ABI3BP: variants seen among roughly 807,000 people sequenced by gnomAD.
ABI3BP encodes ABI family member 3 binding protein.
A neutral mutation model predicts 268.6 loss-of-function variants in ABI3BP; 216 were observed. The observed-to-expected ratio is 0.80, with a 90% CI of 0.72 to 0.90. ABI3BP has a LOEUF of 0.90. Ranked by LOEUF, ABI3BP falls within the 40% of genes least tolerant of loss-of-function variation. ABI3BP has a pLI of 0.00. For synonymous variants in ABI3BP, 730 were observed against 730.0 expected, an observed-to-expected ratio of 1.00 and a Z score of 0.00; for missense variants, 2,090 against 2,182.4, an observed-to-expected ratio of 0.96 and a Z score of 0.84.
intron 51 of ABI3BP, 32 bp downstream of exon 51, chr3:100,804,760 C>A: frequency 6.3e-7 from 1 of 1,582,060 alleles, no homozygotes; most frequent in Non-Finnish European, 8.7e-7. Context: ...CAGTAGAATG[C>A]ATTTGGCTTA....
At position 100,840,871 on chromosome 3, in the gene ABI3BP, G is replaced by GA. The variant is rs747594725; in HGVS notation, c.1766-14dup. 59 of 1,528,678 alleles carry GA rather than the reference G, an allele frequency of 3.9e-5. No homozygotes were observed. The highest frequency in any genetic ancestry group is 5.5e-5 in the African/African-American group (4 of 72,678). 94.7% of individuals were successfully genotyped at this position (1,528,678 alleles called of 1,614,324 possible). A position where few individuals can be genotyped will look rare whatever the true frequency, so the allele number is the denominator to read the frequency against. On this transcript the variant is annotated splice_polypyrimidine_tract_variant and intron_variant, in intron 21 of 67. Coordinates refer to ENST00000471714, the MANE Select transcript of ABI3BP (RefSeq NM_001375547.2). ...GGTGTTTCAGGTCCTAAGACAATGTGAAAAAATCACCAAGAAAGAATCAAG... is the reference window on the plus strand; with the variant it reads ...GGTGTTTCAGGTCCTAAGACAATGTGAAAAAAATCACCAAGAAAGAATCAAG...
chr3:100,811,222 GT>G lies in ABI3BP; in HGVS notation c.3541+7del. On this transcript the variant is annotated splice_region_variant and intron_variant, in intron 48 of 67. Transcript: ENST00000471714. ...GAGCACCCAGGGTTGGGCTACCGAG[GT>G]TATTACCTAGTGTGGTCTCAGGTGG... is the stretch of plus-strand genomic sequence containing the variant. The G allele has an allele frequency of 6.5e-7, 1 of 1,533,182 alleles. No homozygotes were observed. Among genetic ancestry groups the G allele is most frequent in the Non-Finnish European group, 8.7e-7 (1 of 1,145,278 alleles). The allele number at this position is 1,533,182 out of a possible 1,614,324, so 95.0% of individuals were successfully genotyped here.
chr3:100,773,783 T>A (rs964823637), intron 61 of ABI3BP, among the ~76,000 whole-genome samples: 1 of 152,232 alleles, frequency 6.6e-6, no homozygotes, highest in Non-Finnish European at 1.5e-5. Context: ...CTGATATACA[T>A]GCAGCAACAT....
intron 2 of ABI3BP, chr3:100,911,962 A>C (rs2056672350): frequency 1.1e-6 from 1 of 922,560 alleles, no homozygotes; most frequent in East Asian, 2.4e-5. Flanking sequence ...ACTTCACTTG[A>C]GGAATTATAA....
intron 35 of ABI3BP, among the ~76,000 whole-genome samples, chr3:100,825,388 TTA>T (rs2098358882): frequency 1.3e-5 from 2 of 152,112 alleles, no homozygotes; most frequent in African/African-American, 4.8e-5. Flanking sequence ...TTTTTTTTTT[TTA>T]AATCTAGAAA....
At chr3:100,794,440 T>C (rs1056168478) in intron 54 of ABI3BP, among the ~76,000 whole-genome samples, 10 of 152,010 alleles carry the variant, frequency 6.6e-5, no homozygotes, top group Admixed American at 1.3e-4. Flanking sequence ...TGCAGTATTA[T>C]AACCAAGTCC....
chr3:100,808,901 G>A (rs1200174637), intron 49 of ABI3BP, among the ~76,000 whole-genome samples: 1 of 152,028 alleles, frequency 6.6e-6, no homozygotes, highest in Non-Finnish European at 1.5e-5. Context: ...CAGATGCAAG[G>A]TTGCAGCTTA....
intron 1 of ABI3BP, 26 bp from the exon 2 acceptor site, chr3:100,926,507 T>A (rs754969958): frequency 3.8e-6 from 6 of 1,599,312 alleles, no homozygotes; most frequent in Non-Finnish European, 5.1e-6. Flanking sequence ...AAAACATCGA[T>A]GGCTGTTACT....
chr3:100,875,473 G>C (rs1359785094), intron 8 of ABI3BP, 35 bp downstream of exon 8: 1 of 1,464,748 alleles, frequency 6.8e-7, no homozygotes, highest in Admixed American at 1.9e-5. Flanking sequence ...AGCCCGATTT[G>C]CTTAATCTCG....
At chr3:100,844,290 TC>T in intron 20 of ABI3BP, 1 of 985,440 alleles carries the variant, frequency 1.0e-6, no homozygotes, top group Non-Finnish European at 1.2e-6. Flanking sequence ...TTATTTTCAG[TC>T]CATTAGAAGC....
At chr3:100,940,559 C>T (rs76115083) in intron 1 of ABI3BP, among the ~76,000 whole-genome samples, 17,501 of 150,834 alleles carry the variant, frequency 0.12, 1,158 homozygotes, top group Middle Eastern at 0.19. Flanking sequence ...GATTTGATAA[C>T]GGTAACCAAC....
chr3:100,850,964 C>T (rs779866716), intron 15 of ABI3BP, among the ~76,000 whole-genome samples: 4 of 152,196 alleles, frequency 2.6e-5, no homozygotes, highest in African/African-American at 4.8e-5. Context: ...GTGTTTTATA[C>T]ATTCAACTGG....
In ABI3BP at chr3:100,866,909, C is replaced by A; in HGVS notation, c.958G>T (p.Val320Phe). 6.2e-7 allele frequency: 1 copy of A among 1,613,804 alleles called. No homozygotes were observed. The highest frequency in any genetic ancestry group is 8.5e-7 in the Non-Finnish European group (1 of 1,179,800). Residue 320 changes from valine to phenylalanine, a missense_variant, in exon 10 of 68, where the codon GTT becomes TTT. Transcript: ENST00000471714. ...ALPAESKTPE[V>F]EKISARPTTV... ...GTGGGTCGTGCTGAGATTTTTTCAA[C>A]CTCTGGTGTTTTAGATTCGGCAGGT...
intron 59 of ABI3BP, among the ~76,000 whole-genome samples, chr3:100,777,554 G>T (rs1035550497): frequency 1.3e-5 from 2 of 152,140 alleles, no homozygotes; most frequent in African/African-American, 4.8e-5. Flanking sequence ...AAACAAACAG[G>T]TCTGACACAA....
chr3:100,892,075 C>A (rs1582203019), intron 4 of ABI3BP, among the ~76,000 whole-genome samples: 2 of 152,242 alleles, frequency 1.3e-5, no homozygotes, highest in South Asian at 2.1e-4. Context: ...CACCTCATTT[C>A]ATGAGCATGA....
Position 100,795,007 on chromosome 3 carries a change from C to A in ABI3BP, c.3866-4G>T, listed in dbSNP as rs2097302839. The A allele has an allele frequency of 1.4e-6, 2 of 1,470,774 alleles. No individual in the cohort carries two copies. Among genetic ancestry groups the A allele is most frequent in the African/African-American group, 2.9e-5 (2 of 68,060 alleles). 91.1% of individuals were successfully genotyped at this position (1,470,774 alleles called of 1,614,324 possible). A position where few individuals can be genotyped will look rare whatever the true frequency, so the allele number is the denominator to read the frequency against. Reference sequence around the variant, plus strand: ...ATGCCTCGTGTCTCTAGAGGAGCTGCAAAAAGAAAAGGACCAAGGTTGTAA... The same window carrying A: ...ATGCCTCGTGTCTCTAGAGGAGCTGAAAAAAGAAAAGGACCAAGGTTGTAA... On this transcript the variant is annotated splice_region_variant and splice_polypyrimidine_tract_variant and intron_variant, in intron 53 of 67. Transcript: ENST00000471714.
At chr3:100,780,040 A>T (rs1397945670) in intron 58 of ABI3BP, 92 bp downstream of exon 58, 1 of 1,130,926 alleles carries the variant, frequency 8.8e-7, no homozygotes, top group East Asian at 2.4e-5. Context: ...GGCTGTGTGG[A>T]TGTTGCTGTT....
chr3:100,810,192 C>T (rs1185971600), intron 49 of ABI3BP, among the ~76,000 whole-genome samples: 1 of 152,054 alleles, frequency 6.6e-6, no homozygotes. Context: ...CTGAATTAAA[C>T]ACTTGCAGAG....
intron 31 of ABI3BP, among the ~76,000 whole-genome samples, chr3:100,831,315 TTA>T (rs2098488872): frequency 6.6e-6 from 1 of 151,970 alleles, no homozygotes; most frequent in Non-Finnish European, 1.5e-5. Context: ...AGAGGATGGA[TTA>T]TATAAAGGTG....
Sources: gnomAD v4.1 joint callset for allele counts (sites outside exome capture counted in the v4.1 genomes callset) on GRCh38, gnomAD v4.1.1 for gene constraint, MANE v1.5 for transcripts, NCBI Gene and HGNC (gene_info 2026-07-23, HGNC 2026-07-21) for gene names.